The following NYAP2 variants were observed in gnomAD, a reference collection of about 807,000 sequenced individuals.
The protein encoded by NYAP2 is neuronal tyrosine-phosphorylated phosphoinositide-3-kinase adapter 2.
Under a neutral mutation model 50.4 loss-of-function variants are expected in NYAP2, and 23 were observed. The observed-to-expected ratio is 0.46, with a 90% CI of 0.33 to 0.65. The LOEUF (loss-of-function observed/expected upper bound fraction) is 0.65. NYAP2 is among the 30% of genes least tolerant of loss of function. The probability of loss-of-function intolerance (pLI) is 0.02; values close to 1 mark genes in which losing one functional copy is unlikely to be tolerated. For synonymous variants in NYAP2, 394 were observed against 365.2 expected, an observed-to-expected ratio of 1.08 and a Z score of -0.90; for missense variants, 885 against 861.0, an observed-to-expected ratio of 1.03 and a Z score of -0.35.
chr2:225,565,130 C>CA lies in NYAP2; in HGVS notation c.524-16798dup, dbSNP rs576392809. Among the ~76,000 whole-genome samples, 898 of 132,762 alleles carry CA rather than the reference C, an allele frequency of 6.8e-3. 12 individuals are homozygous for CA. The highest frequency in any genetic ancestry group is 0.019 in the Admixed American group (246 of 13,086). The allele number at this position is 132,762 out of a possible 152,430, so 87.1% of individuals were successfully genotyped here. A position where few individuals can be genotyped will look rare whatever the true frequency, so the allele number is the denominator to read the frequency against. On this transcript the variant is annotated intron_variant, in intron 4 of 6. Transcript: ENST00000636099. ...TGAGCGACAGAGCAACACTCCGTCT[C>CA]AAAAAAAAAAAAAGTTTTAATAAAA... is the stretch of plus-strand genomic sequence containing the variant.
intron 5 of NYAP2, among the ~76,000 whole-genome samples, chr2:225,619,076 TA>T: frequency 6.6e-6 from 1 of 152,214 alleles, no homozygotes; most frequent in Non-Finnish European, 1.5e-5. Context: ...TCTATGTCAC[TA>T]AAAAGAACAG....
Position 225,529,321 on chromosome 2 carries a change from T to G in NYAP2, c.523+15649T>G, listed in dbSNP as rs950218103. Among the ~76,000 whole-genome samples, 4 of 152,142 alleles carry G rather than the reference T, an allele frequency of 2.6e-5. No individual in the cohort carries two copies. In the South Asian group the frequency reaches 8.3e-4, roughly 31 times the overall value. ...CTTTTGTTTGTTTTTTGTTTTATGT[T>G]TTTTTGTTTGTTTGTTTTTGAGATA... On this transcript the variant is annotated intron_variant, in intron 4 of 6. Transcript: ENST00000636099.
At chr2:225,504,347 C>T (rs931732688) in intron 3 of NYAP2, among the ~76,000 whole-genome samples, 1 of 152,006 alleles carries the variant, frequency 6.6e-6, no homozygotes, top group African/African-American at 2.4e-5. Context: ...GGTTTTGCCC[C>T]CAAGACTTAA....
chr2:225,426,190 T>C (rs1373035491), intron 3 of NYAP2, among the ~76,000 whole-genome samples: 1 of 151,978 alleles, frequency 6.6e-6, no homozygotes, highest in Non-Finnish European at 1.5e-5. Context: ...ATCTATAATA[T>C]AATGTAGCAG....
At chr2:225,690,389 T>C in the NYAP2 span, among the ~76,000 whole-genome samples, 2 of 152,110 alleles carry the variant, frequency 1.3e-5, no homozygotes, top group South Asian at 2.1e-4. Flanking sequence ...CAGCTCTACG[T>C]TATATCAATT....
At chr2:225,685,448 C>T in the NYAP2 span, among the ~76,000 whole-genome samples, 1 of 152,122 alleles carries the variant, frequency 6.6e-6, no homozygotes, top group Admixed American at 6.5e-5. Context: ...AGAAGGCCTT[C>T]TATTTACAGA....
intron 5 of NYAP2, among the ~76,000 whole-genome samples, chr2:225,611,314 A>T (rs1386947909): frequency 1.3e-5 from 2 of 152,106 alleles, no homozygotes; most frequent in African/African-American, 4.8e-5. Flanking sequence ...TTTTCCATGT[A>T]TCCCTACATA....
At chr2:225,680,951 A>T in the NYAP2 span, among the ~76,000 whole-genome samples, 1 of 152,216 alleles carries the variant, frequency 6.6e-6, no homozygotes, top group Non-Finnish European at 1.5e-5. Context: ...ATATAAAAAA[A>T]TTAAATAGAC....
intron 3 of NYAP2, among the ~76,000 whole-genome samples, chr2:225,414,998 C>G (rs1209314508): frequency 6.6e-6 from 1 of 151,996 alleles, no homozygotes. Flanking sequence ...CAAACAAATG[C>G]TACATTAGTT....
chr2:225,509,484 C>T (rs1308699096), intron 3 of NYAP2, among the ~76,000 whole-genome samples: 1 of 152,146 alleles, frequency 6.6e-6, no homozygotes, highest in Non-Finnish European at 1.5e-5. Flanking sequence ...ATGATCATAG[C>T]CCACTGCAGC....
At chr2:225,439,457 A>T (rs557030159) in intron 3 of NYAP2, among the ~76,000 whole-genome samples, 2 of 152,304 alleles carry the variant, frequency 1.3e-5, no homozygotes, top group East Asian at 3.9e-4. Context: ...TCATTTTTTC[A>T]GTGGTGGAGA....
At chr2:225,533,229 CT>C (rs746909591) in intron 4 of NYAP2, among the ~76,000 whole-genome samples, 1 of 152,176 alleles carries the variant, frequency 6.6e-6, no homozygotes, top group Non-Finnish European at 1.5e-5. Context: ...TAAAAATGCT[CT>C]TATGTCTCCA....
the NYAP2 span, among the ~76,000 whole-genome samples, chr2:225,684,779 G>A: frequency 2.0e-3 from 297 of 152,120 alleles, no homozygotes; most frequent in African/African-American, 6.7e-3. Context: ...TCGAACTCCC[G>A]GCCTCAGGTG....
chr2:225,431,814 G>T (rs1015114102), intron 3 of NYAP2, among the ~76,000 whole-genome samples: 3 of 152,178 alleles, frequency 2.0e-5, no homozygotes, highest in Non-Finnish European at 4.4e-5. Context: ...CAGAAATGTT[G>T]AGGAATTGAA....
chr2:225,567,100 G>T (rs1335922742), intron 4 of NYAP2, among the ~76,000 whole-genome samples: 1 of 152,162 alleles, frequency 6.6e-6, no homozygotes, highest in South Asian at 2.1e-4. Flanking sequence ...AGAGCCTGTT[G>T]CTCCTAGGCT....
At chr2:225,697,745 C>A in the NYAP2 span, among the ~76,000 whole-genome samples, 1 of 151,902 alleles carries the variant, frequency 6.6e-6, no homozygotes, top group African/African-American at 2.4e-5. Context: ...ATATCATGAA[C>A]TTTCAGAACA....
At chr2:225,483,048 A>G (rs1161157511) in intron 3 of NYAP2, among the ~76,000 whole-genome samples, 1 of 152,162 alleles carries the variant, frequency 6.6e-6, no homozygotes, top group Non-Finnish European at 1.5e-5. Context: ...AATATTCTGT[A>G]CTGGTAATTT....
chr2:225,653,848 T>A (rs553030359), exon 7 of NYAP2: 1 of 151,948 alleles, frequency 6.6e-6, no homozygotes, highest in Non-Finnish European at 1.5e-5. Flanking sequence ...TGAGACCCCA[T>A]CTCTACTAAA....
chr2:225,570,647 C>A (rs1165900044), intron 4 of NYAP2, among the ~76,000 whole-genome samples: 1 of 152,220 alleles, frequency 6.6e-6, no homozygotes, highest in Admixed American at 6.5e-5. Context: ...AATTACTTCT[C>A]ACTGGGCCCA....
Sources: gnomAD v4.1 joint callset for allele counts (sites outside exome capture counted in the v4.1 genomes callset) on GRCh38, gnomAD v4.1.1 for gene constraint, MANE v1.5 for transcripts, NCBI Gene and HGNC (gene_info 2026-07-23, HGNC 2026-07-21) for gene names.